Variants in CCZ1B observed in about 807,000 individuals in gnomAD.
The protein encoded by CCZ1B is vacuolar fusion protein CCZ1 homolog B.
In CCZ1B, 25 loss-of-function variants were observed where a neutral mutation model predicts 58.8. That is an observed-to-expected ratio of 0.43 (90% CI 0.31 to 0.59). The LOEUF is 0.59. Ranked by LOEUF, CCZ1B falls within the 20% of genes least tolerant of loss-of-function variation. CCZ1B has a pLI of 0.12. For missense variants in CCZ1B, 180 were observed against 501.5 expected, an observed-to-expected ratio of 0.36 and a Z score of 6.12; for synonymous variants, 66 against 173.2, an observed-to-expected ratio of 0.38 and a Z score of 4.86.
chr7:6,817,865 G>A (rs1325581639), intron 7 of CCZ1B, among the ~76,000 whole-genome samples: 2 of 148,834 alleles, frequency 1.3e-5, no homozygotes, highest in Non-Finnish European at 3.0e-5. Context: ...TTAGCTGGGT[G>A]TTGTGGTACT....
At chr7:6,824,841 G>T in intron 1 of CCZ1B, 104 bp from the exon 2 acceptor site, 1 of 1,413,560 alleles carries the variant, frequency 7.1e-7, no homozygotes, top group South Asian at 1.5e-5. Flanking sequence ...ACATGCTAAT[G>T]ACAAAATAAA....
In CCZ1B at chr7:6,819,667, G is replaced by A. The variant is rs568960930; in HGVS notation, c.698+99C>T. 81 of 666,382 alleles carry A rather than the reference G, an allele frequency of 1.2e-4. 2 individuals carry two copies. The highest frequency in any genetic ancestry group is 2.5e-4 in the African/African-American group (13 of 50,992). 41.3% of individuals were successfully genotyped at this position (666,382 alleles called of 1,614,324 possible). ...AAGATGCTTCCTACCCATCCTCCCC[G>A]CTGCAAGTTCCTGTTTGACAACCTG... On this transcript the variant is annotated intron_variant, in intron 7 of 14. Transcript: ENST00000316731.
intron 5 of CCZ1B, among the ~76,000 whole-genome samples, chr7:6,822,979 T>G (rs562427203): frequency 2.7e-5 from 4 of 146,714 alleles, no homozygotes; most frequent in Non-Finnish European, 6.0e-5. Flanking sequence ...ATGCTGAAAT[T>G]ACAGGTGTGA....
At chr7:6,800,747 C>T (rs953704216) in intron 14 of CCZ1B, among the ~76,000 whole-genome samples, 1 of 138,646 alleles carries the variant, frequency 7.2e-6, no homozygotes, top group African/African-American at 2.8e-5. Context: ...TTCTTTCTGC[C>T]ATTGCCAAGT....
At chr7:6,820,791 T>C (rs1331020697) in intron 6 of CCZ1B, among the ~76,000 whole-genome samples, 1 of 148,026 alleles carries the variant, frequency 6.8e-6, no homozygotes, top group Non-Finnish European at 1.5e-5. Flanking sequence ...CGTGGTAGCC[T>C]GTAATCCCAA....
At chr7:6,813,599 AAG>A (rs1782952080) in intron 8 of CCZ1B, among the ~76,000 whole-genome samples, 1 of 149,354 alleles carries the variant, frequency 6.7e-6, no homozygotes, top group Admixed American at 6.7e-5. Context: ...TGAACAAGCG[AAG>A]AGAGTGAGTT....
Position 6,819,770 on chromosome 7 carries a change from T to A in CCZ1B, c.694A>T (p.Ile232Phe). The change falls in exon 7 of 15, where the codon ATC (isoleucine) becomes TTC (phenylalanine). Residue 232 changes from isoleucine (I) to phenylalanine (F), a missense_variant. By Grantham distance (21) the Ile-to-Phe change is conservative. Transcript: ENST00000316731. ...YTAFLYNDQLIWSGLEQDDMR... is the reference protein window; with the variant it reads ...YTAFLYNDQLFWSGLEQDDMR... The stretch of plus-strand genomic sequence containing the variant: ...CATGCCTCGGGGTGTACCTACCAGA[T>A]GAGCTGATCGTTATAGAGAAAAGCA... 6.6e-7 allele frequency: 1 copy of A among 1,509,266 alleles called. No individual in the cohort carries two copies. The highest frequency in any genetic ancestry group is 1.2e-5 in the South Asian group (1 of 84,696). 93.5% of individuals were successfully genotyped at this position (1,509,266 alleles called of 1,614,324 possible).
At chr7:6,818,265 T>G (rs568710577) in intron 7 of CCZ1B, among the ~76,000 whole-genome samples, 1 of 149,788 alleles carries the variant, frequency 6.7e-6, no homozygotes, top group East Asian at 1.9e-4. Flanking sequence ...GAAACGGGGC[T>G]AGGCCAGGTG....
chr7:6,820,048 A>C (rs1783083785), intron 6 of CCZ1B, 107 bp from the exon 7 acceptor site: 3 of 1,346,280 alleles, frequency 2.2e-6, no homozygotes, highest in Middle Eastern at 4.0e-4. Context: ...TGGTACAATT[A>C]CATACTAGCA....
intron 4 of CCZ1B, among the ~76,000 whole-genome samples, 197 bp from the exon 5 acceptor site, chr7:6,823,557 T>C (rs1035369117): frequency 7.0e-6 from 1 of 142,266 alleles, no homozygotes; most frequent in African/African-American, 2.8e-5. Context: ...CTCGCTCTGT[T>C]GTCCAGGCTG....
chr7:6,824,239 C>T (rs1319530145), intron 3 of CCZ1B, 73 bp from the exon 4 acceptor site: 1 of 1,552,530 alleles, frequency 6.4e-7, no homozygotes, highest in East Asian at 2.2e-5. Flanking sequence ...AATTTAAAAA[C>T]TTTGAACATG....
In CCZ1B at chr7:6,804,963, A is replaced by T; in HGVS notation, c.1081T>A (p.Phe361Ile). 9.9e-6 allele frequency: 14 copies of T among 1,410,516 alleles called. 4 individuals are homozygous for T. Among genetic ancestry groups the T allele is most frequent in the African/African-American group, 9.7e-5 (6 of 62,086 alleles). 87.4% of individuals were successfully genotyped at this position (1,410,516 alleles called of 1,614,324 possible). A position where few individuals can be genotyped will look rare whatever the true frequency, so the allele number is the denominator to read the frequency against. Residue 361 changes from phenylalanine (F) to isoleucine (I), a missense_variant, in exon 12 of 15, where the codon TTT becomes ATT. Transcript: ENST00000316731. The part of the protein sequence containing the change: ...TVLASDICEQ[F>I]NINKRMSGSE... ...CCAGACATCCTCTTGTTGATGTTAA[A>T]CTGTTCACAGATGTCAGAGGCCAGC...
chr7:6,800,524 C>G (rs1274844213), intron 14 of CCZ1B, among the ~76,000 whole-genome samples: 2 of 138,810 alleles, frequency 1.4e-5, no homozygotes, highest in Non-Finnish European at 3.1e-5. Context: ...TCTGGTGACA[C>G]ATGCCTTGGT....
intron 10 of CCZ1B, among the ~76,000 whole-genome samples, chr7:6,810,365 C>T (rs1257504427): frequency 7.0e-6 from 1 of 143,282 alleles, no homozygotes; most frequent in African/African-American, 3.0e-5. Flanking sequence ...TGGCAAAGAA[C>T]TCTATGCTCA....
At chr7:6,823,291 T>G in intron 5 of CCZ1B, 22 bp downstream of exon 5, 1 of 1,605,122 alleles carries the variant, frequency 6.2e-7, no homozygotes, top group South Asian at 1.1e-5. Context: ...GACTCTGAGT[T>G]GAGAAAGAAC....
chr7:6,818,605 A>AAGAC (rs1583555381), intron 7 of CCZ1B, among the ~76,000 whole-genome samples: 140 of 124,232 alleles, frequency 1.1e-3, no homozygotes, highest in Middle Eastern at 4.1e-3. Context: ...GAAAGAAAGA[A>AAGAC]AGAAAGAAAG....
intron 8 of CCZ1B, among the ~76,000 whole-genome samples, chr7:6,814,079 G>A (rs1411087025): frequency 6.7e-6 from 1 of 148,830 alleles, no homozygotes; most frequent in Non-Finnish European, 1.5e-5. Context: ...CCAGGAAGCG[G>A]AAGTTGCAGT....
chr7:6,819,784 T>A lies in CCZ1B; in HGVS notation c.680A>T (p.Tyr227Phe). The A allele has an allele frequency of 1.3e-6, 2 of 1,540,644 alleles. No individual in the cohort carries two copies. The change falls in exon 7 of 15, where the codon TAT (tyrosine) becomes TTT (phenylalanine). Residue 227 changes from tyrosine (Y) to phenylalanine (F), a missense_variant. Tyr to Phe is a conservative substitution (Grantham distance 22). Coordinates refer to ENST00000316731, the MANE Select transcript of CCZ1B (RefSeq NM_198097.5). Reference sequence around the variant, plus strand: ...TACCTACCAGATGAGCTGATCGTTATAGAGAAAAGCAGTGTATTTGACTAT... The same window carrying A: ...TACCTACCAGATGAGCTGATCGTTAAAGAGAAAAGCAGTGTATTTGACTAT... ...LNIVKYTAFL[Y>F]NDQLIWSGLE...
At chr7:6,814,583 T>A (rs1234614449) in intron 8 of CCZ1B, 181 bp downstream of exon 8, 3 of 476,864 alleles carry the variant, frequency 6.3e-6, no homozygotes, top group East Asian at 3.2e-5. Context: ...GAATGTCACA[T>A]ACTGGAGGAG....
Sources: gnomAD v4.1 joint callset for allele counts (sites outside exome capture counted in the v4.1 genomes callset) on GRCh38, gnomAD v4.1.1 for gene constraint, MANE v1.5 for transcripts, NCBI Gene and HGNC (gene_info 2026-07-23, HGNC 2026-07-21) for gene names.